PPP1R13B: variants seen among roughly 807,000 people sequenced by gnomAD.
PPP1R13B encodes the protein apoptosis-stimulating of p53 protein 1.
PPP1R13B carries 44 observed loss-of-function variants against 119.8 expected under a neutral mutation model. The observed-to-expected ratio is 0.37, with a 90% CI of 0.29 to 0.47. PPP1R13B has a LOEUF of 0.47. Ranked by LOEUF, PPP1R13B falls within the 20% of genes least tolerant of loss-of-function variation. The probability of loss-of-function intolerance (pLI) is 0.99; values close to 1 mark genes in which losing one functional copy is unlikely to be tolerated. For synonymous variants in PPP1R13B, 542 were observed against 561.5 expected, an observed-to-expected ratio of 0.97 and a Z score of 0.49; for missense variants, 1,227 against 1,413.5, an observed-to-expected ratio of 0.87 and a Z score of 2.12.
In PPP1R13B at chr14:103,797,532, G is replaced by C. The variant is rs374139422; in HGVS notation, c.10-14C>G. ...AGTTAATATCATCTGTAAGACAAAA[G>C]AGTAAAGCTGTAATTTAGATTCCTT... is the stretch of plus-strand genomic sequence containing the variant. On this transcript the variant is annotated splice_polypyrimidine_tract_variant and intron_variant, in intron 1 of 16. Coordinates refer to ENST00000202556, the MANE Select transcript of PPP1R13B (RefSeq NM_015316.3). 3.1e-6 allele frequency: 5 copies of C among 1,602,076 alleles called. No individual in the cohort carries two copies. Among genetic ancestry groups the C allele is most frequent in the African/African-American group, 2.7e-5 (2 of 74,408 alleles).
intron 1 of PPP1R13B, among the ~76,000 whole-genome samples, chr14:103,839,583 T>C (rs1039929862): frequency 5.3e-5 from 8 of 149,750 alleles, no homozygotes; most frequent in Non-Finnish European, 1.0e-4. Context: ...CCCAAGATCA[T>C]GCCACTGCAC....
At chr14:103,818,492 C>A (rs1392133316) in intron 1 of PPP1R13B, 2 of 982,814 alleles carry the variant, frequency 2.0e-6, no homozygotes, top group Non-Finnish European at 2.4e-6. Context: ...TGTTTTCACA[C>A]AGGGAGAAGA....
At position 103,753,459 on chromosome 14, in the gene PPP1R13B, A is replaced by G. The variant is rs990456451; in HGVS notation, c.632-263T>C. 2.6e-5 allele frequency among the ~76,000 whole-genome samples: 4 copies of G among 152,204 alleles called. No homozygotes were observed. In the East Asian group the frequency reaches 7.7e-4, roughly 29 times the overall value. ...AAGCTAGTTTGTTCAAGTGACTTAG[A>G]AATCTCTGAGACCAAAGGTTTTGTG... is the stretch of plus-strand genomic sequence containing the variant. On this transcript the variant is annotated intron_variant, in intron 6 of 16. Transcript: ENST00000202556.
intron 5 of PPP1R13B, 28 bp downstream of exon 5, chr14:103,757,619 CAAT>C (rs776304821): frequency 3.1e-6 from 5 of 1,594,618 alleles, no homozygotes; most frequent in Non-Finnish European, 4.3e-6. Flanking sequence ...ACTTTTTGAA[CAAT>C]GTTTCAATAC....
chr14:103,783,887 T>C (rs2085391360), intron 3 of PPP1R13B, among the ~76,000 whole-genome samples: 1 of 152,230 alleles, frequency 6.6e-6, no homozygotes, highest in Non-Finnish European at 1.5e-5. Context: ...TCTTGTCTTT[T>C]ATGTTTTAGT....
chr14:103,832,371 A>G (rs927808350), intron 1 of PPP1R13B, among the ~76,000 whole-genome samples: 2 of 151,902 alleles, frequency 1.3e-5, no homozygotes, highest in Admixed American at 1.3e-4. Context: ...CTGAGACCAC[A>G]CTCTCCAGCC....
In PPP1R13B at chr14:103,807,364, T is replaced by A. The variant is rs150815729; in HGVS notation, c.10-9846A>T. ...GATCTATGTATATATTTGTTTATCCTCTGTCTGTTGTCACTAGAACACATA... is the reference window on the plus strand; with the variant it reads ...GATCTATGTATATATTTGTTTATCCACTGTCTGTTGTCACTAGAACACATA... On this transcript the variant is annotated intron_variant, in intron 1 of 16. Coordinates refer to ENST00000202556, the MANE Select transcript of PPP1R13B (RefSeq NM_015316.3). 9.7e-4 allele frequency among the ~76,000 whole-genome samples: 148 copies of A among 152,328 alleles called. 3 individuals are homozygous for A. The East Asian group carries it at 0.021, about 22-fold the overall frequency.
intron 2 of PPP1R13B, among the ~76,000 whole-genome samples, chr14:103,787,843 G>T (rs898007770): frequency 3.3e-5 from 5 of 151,984 alleles, no homozygotes; most frequent in Admixed American, 2.6e-4. Context: ...GTAGAGATGG[G>T]ATTTCACTGT....
intron 16 of PPP1R13B, 78 bp downstream of exon 16, chr14:103,735,925 G>A: frequency 6.7e-7 from 1 of 1,491,544 alleles, no homozygotes; most frequent in Non-Finnish European, 9.2e-7. Context: ...TCCCTCCCCA[G>A]CCCCACAGCA....
At chr14:103,757,550 T>C (rs546250936) in intron 5 of PPP1R13B, 100 bp downstream of exon 5, 67 of 1,090,244 alleles carry the variant, frequency 6.1e-5, no homozygotes, top group Admixed American at 2.4e-4. Flanking sequence ...ATGGTCCTAT[T>C]TTATAAGCGT....
At chr14:103,791,830 T>A (rs2085629564) in intron 2 of PPP1R13B, among the ~76,000 whole-genome samples, 2 of 152,198 alleles carry the variant, frequency 1.3e-5, no homozygotes, top group Non-Finnish European at 1.5e-5. Context: ...AAAAGATTTT[T>A]AAAAGCAAGT....
intron 4 of PPP1R13B, chr14:103,762,960 T>C (rs1265917151): frequency 2.6e-5 from 29 of 1,107,146 alleles, no homozygotes; most frequent in South Asian, 2.1e-4. Flanking sequence ...TAAATAAAAG[T>C]ACCAGCCTCT....
chr14:103,753,671 G>A (rs1352842912), intron 6 of PPP1R13B, among the ~76,000 whole-genome samples: 5 of 152,148 alleles, frequency 3.3e-5, no homozygotes, highest in Non-Finnish European at 7.3e-5. Context: ...GTCTTGGAGC[G>A]CCCCACCCTA....
intron 1 of PPP1R13B, among the ~76,000 whole-genome samples, chr14:103,819,971 T>C (rs2086368495): frequency 6.6e-6 from 1 of 152,198 alleles, no homozygotes; most frequent in Admixed American, 6.5e-5. Flanking sequence ...AGTTCAGATA[T>C]GAACACCAGT....
chr14:103,848,006 A>G (rs1258075437), upstream of PPP1R13B, among the ~76,000 whole-genome samples: 1 of 150,804 alleles, frequency 6.6e-6, no homozygotes, highest in Non-Finnish European at 1.5e-5. Context: ...CCGCGGCCTG[A>G]CCCCCGGCTG....
chr14:103,833,936 G>A (rs2086715933), intron 1 of PPP1R13B, among the ~76,000 whole-genome samples: 1 of 152,240 alleles, frequency 6.6e-6, no homozygotes, highest in South Asian at 2.1e-4. Flanking sequence ...GGCATGCTGA[G>A]TTCCTTCAGT....
chr14:103,814,699 A>C (rs576245923), intron 1 of PPP1R13B, among the ~76,000 whole-genome samples: 58 of 152,300 alleles, frequency 3.8e-4, no homozygotes, highest in African/African-American at 1.4e-3. Flanking sequence ...TAATCCCAGC[A>C]CTTTGGGAAG....
chr14:103,757,889 A>G, intron 4 of PPP1R13B, 138 bp from the exon 5 acceptor site: 1 of 570,122 alleles, frequency 1.8e-6, no homozygotes, highest in Non-Finnish European at 3.0e-6. Context: ...ATTTTCTTGT[A>G]AGAACTTTTC....
At position 103,736,116 on chromosome 14, in the gene PPP1R13B, A is replaced by G; in HGVS notation, c.3118T>C (p.Phe1040Leu). Residue 1040 changes from phenylalanine (F) to leucine (L), a missense_variant, in exon 16 of 17, where the codon TTC becomes CTC. Phe to Leu is a conservative substitution (Grantham distance 22). Coordinates refer to ENST00000202556, the MANE Select transcript of PPP1R13B (RefSeq NM_015316.3). ...ATGGTGAGGGCGTCCCCTTCGTGGAAGGACAGCTCGTCACTGTTCTGGGCC... is the reference window on the plus strand; with the variant it reads ...ATGGTGAGGGCGTCCCCTTCGTGGAGGGACAGCTCGTCACTGTTCTGGGCC... ...YEAQNSDELS[F>L]HEGDALTILR... 1 of 1,614,194 alleles carries G rather than the reference A, an allele frequency of 6.2e-7. No homozygotes were observed. Among genetic ancestry groups the G allele is most frequent in the Non-Finnish European group, 8.5e-7 (1 of 1,180,032 alleles).
Sources: gnomAD v4.1 joint callset for allele counts (sites outside exome capture counted in the v4.1 genomes callset) on GRCh38, gnomAD v4.1.1 for gene constraint, MANE v1.5 for transcripts, NCBI Gene and HGNC (gene_info 2026-07-23, HGNC 2026-07-21) for gene names.